The following BICD1 variants were observed in gnomAD, a reference collection of about 807,000 sequenced individuals.
BICD1 encodes the protein BICD cargo adaptor 1.
Under a neutral mutation model 92.5 loss-of-function variants are expected in BICD1, and 35 were observed. The ratio of observed to expected loss-of-function variants is 0.38; its 90% CI spans 0.29 to 0.50. The LOEUF (loss-of-function observed/expected upper bound fraction) is 0.50, where lower values mean the gene tolerates loss of function less well. Ranked by LOEUF, BICD1 falls within the 20% of genes least tolerant of loss-of-function variation. The pLI is 0.93. For missense variants in BICD1, 950 were observed against 1,189.8 expected (o/e 0.80, Z 2.97); for synonymous variants, 429 against 465.1 (o/e 0.92, Z 1.00).
At chr12:32,144,005 G>A (rs1592369300) in intron 1 of BICD1, among the ~76,000 whole-genome samples, 1 of 152,070 alleles carries the variant, frequency 6.6e-6, no homozygotes, top group Non-Finnish European at 1.5e-5. Flanking sequence ...GGAGTTCTTT[G>A]TATAATATAT....
At chr12:32,254,262 C>G (rs1946658968) in intron 2 of BICD1, among the ~76,000 whole-genome samples, 1 of 150,122 alleles carries the variant, frequency 6.7e-6, no homozygotes, top group Non-Finnish European at 1.5e-5. Flanking sequence ...GCCATATTCA[C>G]TGCCGTATCC....
intron 3 of BICD1, among the ~76,000 whole-genome samples, chr12:32,304,101 T>C (rs761034081): frequency 7.9e-5 from 12 of 151,820 alleles, no homozygotes; most frequent in Non-Finnish European, 1.6e-4. Flanking sequence ...AAAAGTTCCA[T>C]CTTGACTAAG....
In BICD1 at chr12:32,327,770, G is replaced by C. The variant is rs1170284368; in HGVS notation, c.1315G>C (p.Glu439Gln). Residue 439 changes from glutamate (E) to glutamine (Q), a missense_variant, in exon 5 of 10, where the codon GAG (glutamate) becomes CAG (glutamine). Glu to Gln is a conservative substitution (Grantham distance 29). Around this residue, in one of 5 missense-constraint regions of BICD1, gnomAD observed 309 missense variants for 499.4 expected, o/e 0.62. Coordinates refer to ENST00000652176, the MANE Select transcript of BICD1 (RefSeq NM_001714.4). ...GAAAGCTGAAATTAAGGCCTTAAAG[G>C]AGAAATATAATAAATCTGTAGAAAA... ...DLKAEIKALKEKYNKSVENYT... is the reference protein window; with the variant it reads ...DLKAEIKALKQKYNKSVENYT... 1 of 1,614,116 alleles carries C rather than the reference G, an allele frequency of 6.2e-7. No individual in the cohort carries two copies. Among genetic ancestry groups the C allele is most frequent in the East Asian group, 2.2e-5 (1 of 44,868 alleles).
intron 1 of BICD1, among the ~76,000 whole-genome samples, chr12:32,147,359 C>T (rs1484927069): frequency 6.6e-6 from 1 of 152,202 alleles, no homozygotes; most frequent in Non-Finnish European, 1.5e-5. Flanking sequence ...CTAAAATCCA[C>T]AACGCTCATT....
chr12:32,252,677 G>GGGCCAGCTTGGAAATCCCCA (rs1256495110), intron 2 of BICD1, among the ~76,000 whole-genome samples: 1 of 152,118 alleles, frequency 6.6e-6, no homozygotes, highest in African/African-American at 2.4e-5. Flanking sequence ...GGAAATCCCT[G>GGGCCAGCTTGGAAATCCCCA]GGCCAGCTTG....
At chr12:32,117,750 ATATATATAT>A (rs1378002675) in intron 1 of BICD1, among the ~76,000 whole-genome samples, 51 of 99,216 alleles carry the variant, frequency 5.1e-4, no homozygotes, top group Admixed American at 8.7e-4. Context: ...ATATATATAT[ATATATATAT>A]TTTTTTTTAA....
rs1940215773 is a variant in BICD1 at position 32,382,459 on chromosome 12, G to A, written c.*4832G>A. On this transcript the variant is annotated 3_prime_UTR_variant, in exon 10 of 10. Transcript: ENST00000652176. ...CACTATAGAAGTCTCATTTCTCTGTGATCTTCTGTCCATTAGGAAAGTAAG... is the reference window on the plus strand; with the variant it reads ...CACTATAGAAGTCTCATTTCTCTGTAATCTTCTGTCCATTAGGAAAGTAAG... The A allele has an allele frequency of 6.6e-6, 1 of 151,982 alleles. No homozygotes were observed. Among genetic ancestry groups the A allele is most frequent in the Non-Finnish European group, 1.5e-5 (1 of 67,914 alleles). The allele number at this position is 151,982 out of a possible 1,614,324, so 9.4% of individuals were successfully genotyped here. A position where few individuals can be genotyped will look rare whatever the true frequency, so the allele number is the denominator to read the frequency against.
chr12:32,343,798 G>A (rs971340720), intron 8 of BICD1, among the ~76,000 whole-genome samples: 6 of 152,180 alleles, frequency 3.9e-5, no homozygotes, highest in Admixed American at 1.3e-4. Flanking sequence ...TCACAGAAGT[G>A]TATTAGCCTT....
chr12:32,282,196 CTTCTTCTTTT>C, intron 2 of BICD1, among the ~76,000 whole-genome samples: 1 of 66,730 alleles, frequency 1.5e-5, no homozygotes, highest in Non-Finnish European at 3.2e-5. Flanking sequence ...AGCTTCAGGT[CTTCTTCTTTT>C]TTTTTTTTTT....
chr12:32,169,704 C>G (rs1437329865), intron 1 of BICD1, among the ~76,000 whole-genome samples: 2 of 152,116 alleles, frequency 1.3e-5, no homozygotes, highest in Admixed American at 1.3e-4. Context: ...TAACCTAGGT[C>G]GCTGGACAGC....
rs945808635 is a variant in BICD1 at position 32,241,741 on chromosome 12, C to A, written c.426+25282C>A. ...GCTCTGCTCTAACTGCTTTTGGAGACAGACTTTCCCCAGTGTATCCCATCA... is the reference window on the plus strand; with the variant it reads ...GCTCTGCTCTAACTGCTTTTGGAGAAAGACTTTCCCCAGTGTATCCCATCA... On this transcript the variant is annotated intron_variant, in intron 2 of 9. Coordinates refer to ENST00000652176, the MANE Select transcript of BICD1 (RefSeq NM_001714.4). Among the ~76,000 whole-genome samples the A allele has an allele frequency of 7.2e-5, 11 of 152,156 alleles. 1 individual carries two copies. Among genetic ancestry groups the A allele is most frequent in the Non-Finnish European group, 1.6e-4 (11 of 68,024 alleles).
At chr12:32,253,714 T>G (rs188178735) in intron 2 of BICD1, among the ~76,000 whole-genome samples, 150 of 152,344 alleles carry the variant, frequency 9.8e-4, no homozygotes, top group African/African-American at 3.3e-3. Flanking sequence ...ATTTTCTGTT[T>G]CCCTCTAACT....
intron 1 of BICD1, among the ~76,000 whole-genome samples, chr12:32,167,601 G>A (rs574000165): frequency 3.3e-5 from 5 of 152,198 alleles, no homozygotes; most frequent in South Asian, 2.1e-4. Flanking sequence ...GACTACAGGC[G>A]CATGCCACCA....
chr12:32,139,108 C>T (rs1423239982), intron 1 of BICD1, among the ~76,000 whole-genome samples: 2 of 152,164 alleles, frequency 1.3e-5, no homozygotes, highest in African/African-American at 4.8e-5. Context: ...ATAGAGTTTA[C>T]TCAGTGCTGT....
At chr12:32,335,233 C>T (rs1314026119) in intron 6 of BICD1, among the ~76,000 whole-genome samples, 4 of 152,014 alleles carry the variant, frequency 2.6e-5, no homozygotes, top group African/African-American at 7.3e-5. Flanking sequence ...TCACTGCAAC[C>T]TCCGCCTCCC....
chr12:32,212,712 C>T (rs563558697), intron 1 of BICD1, among the ~76,000 whole-genome samples: 62 of 152,258 alleles, frequency 4.1e-4, no homozygotes, highest in African/African-American at 1.4e-3. Flanking sequence ...CGTGAGCCAC[C>T]GTGTCCAGCC....
intron 2 of BICD1, among the ~76,000 whole-genome samples, chr12:32,236,332 T>G (rs971155714): frequency 6.6e-6 from 1 of 151,408 alleles, no homozygotes; most frequent in Non-Finnish European, 1.5e-5. Context: ...GAGGCGGAGG[T>G]TGCAGTGAGC....
intron 1 of BICD1, among the ~76,000 whole-genome samples, chr12:32,183,150 C>T (rs1944326476): frequency 6.6e-6 from 1 of 151,894 alleles, no homozygotes; most frequent in Non-Finnish European, 1.5e-5. Flanking sequence ...ATCCTCCCTT[C>T]TCGGCCTCCC....
chr12:32,110,620 A>G (rs1941649046), intron 1 of BICD1, among the ~76,000 whole-genome samples: 1 of 152,154 alleles, frequency 6.6e-6, no homozygotes, highest in Non-Finnish European at 1.5e-5. Flanking sequence ...ATGTACGTAA[A>G]TCAGCACTGT....
Sources: allele counts gnomAD v4.1 joint callset (sites outside exome capture counted in the v4.1 genomes callset), GRCh38; gene constraint gnomAD v4.1.1; regional missense constraint gnomAD v4.1.1; transcripts MANE v1.5; gene names NCBI Gene and HGNC (gene_info 2026-07-23, HGNC 2026-07-21).